The following SMAGP variants were observed in gnomAD, a reference collection of about 807,000 sequenced individuals.
SMAGP encodes the protein small cell transmembrane and glycosylated protein.
In SMAGP, 7 loss-of-function variants were observed where a neutral mutation model predicts 10.1. The observed-to-expected ratio is 0.70, with a 90% CI of 0.40 to 1.31. The LOEUF (loss-of-function observed/expected upper bound fraction) is 1.31. Ranked by LOEUF, SMAGP falls within the 50% of genes most tolerant of loss-of-function variation. SMAGP has a pLI of 0.01. For synonymous variants in SMAGP, 49 were observed against 47.2 expected (o/e 1.04, Z -0.16); for missense variants, 113 against 116.5 (o/e 0.97, Z 0.14).
At chr12:51,247,717 C>A (rs1209183985) in intron 2 of SMAGP, among the ~76,000 whole-genome samples, 1 of 152,164 alleles carries the variant, frequency 6.6e-6, no homozygotes. Flanking sequence ...ACAGGAGGCA[C>A]CCCGACCTGA....
intron 2 of SMAGP, among the ~76,000 whole-genome samples, chr12:51,252,154 C>T (rs552221834): frequency 4.4e-4 from 66 of 151,128 alleles, no homozygotes; most frequent in African/African-American, 1.5e-3. Flanking sequence ...AGTGCAGTGG[C>T]GCGATGTTGG....
rs56012746 is a variant in SMAGP, at chr12:51,248,434, ACTCTCTCTCTCTCTCTCTCTCTCTCTCT to A, written c.35-1631_35-1604del. On this transcript the variant is annotated intron_variant, in intron 2 of 3. Coordinates refer to ENST00000603798, the MANE Select transcript of SMAGP (RefSeq NM_001031628.2). The stretch of plus-strand genomic sequence containing the variant: ...CACACACACACACACACACACACAC[ACTCTCTCTCTCTCTCTCTCTCTCTCTCT>A]CTCTCTCTCTCTCTAGGTTTTCATC... Among the ~76,000 whole-genome samples the A allele has an allele frequency of 7.7e-5, 6 of 77,564 alleles. No homozygotes were observed. In the East Asian group the frequency reaches 2.1e-3, roughly 27 times the overall value. The allele number at this position is 77,564 out of a possible 152,430, so 50.9% of individuals were successfully genotyped here.
rs1009122776 is a variant in SMAGP, at chr12:51,244,600, A to C, written c.*1341T>G. 6.6e-6 allele frequency: 1 copy of C among 152,236 alleles called. No homozygotes were observed. Among genetic ancestry groups the C allele is most frequent in the African/African-American group, 2.4e-5 (1 of 41,454 alleles). The allele number at this position is 152,236 out of a possible 1,614,324, so 9.4% of individuals were successfully genotyped here. Reference sequence around the variant, plus strand: ...ATCTAGCTTTAATTCCAAAGTGAACAATATCTGATGAGCTAATAATTTATA... The same window carrying C: ...ATCTAGCTTTAATTCCAAAGTGAACCATATCTGATGAGCTAATAATTTATA... On this transcript the variant is annotated 3_prime_UTR_variant, in exon 4 of 4. Transcript: ENST00000603798.
Position 51,245,899 on chromosome 12 carries a change from A to G in SMAGP, c.*42T>C, listed in dbSNP as rs1944761743. ...TCCCATAATAAGCAGTCAACGTGTT[A>G]GCGATGGAGCCAGGAATAAGCTCCT... On this transcript the variant is annotated 3_prime_UTR_variant, in exon 4 of 4. Transcript: ENST00000603798. The G allele has an allele frequency of 6.3e-7, 1 of 1,584,478 alleles. No individual in the cohort carries two copies. Among genetic ancestry groups the G allele is most frequent in the Non-Finnish European group, 8.6e-7 (1 of 1,161,542 alleles).
intron 2 of SMAGP, among the ~76,000 whole-genome samples, chr12:51,265,108 T>C (rs1944963518): frequency 2.0e-5 from 3 of 152,018 alleles, no homozygotes; most frequent in African/African-American, 7.2e-5. Context: ...GGTCAATAAG[T>C]ACATGAAAAG....
chr12:51,256,749 ACAC>A (rs1456607612), intron 2 of SMAGP, among the ~76,000 whole-genome samples: 3 of 144,480 alleles, frequency 2.1e-5, no homozygotes, highest in African/African-American at 7.7e-5. Flanking sequence ...AACAAAAAAA[ACAC>A]AAACAAACAA....
intron 2 of SMAGP, among the ~76,000 whole-genome samples, chr12:51,255,943 G>T (rs895457683): frequency 1.3e-5 from 2 of 152,056 alleles, no homozygotes; most frequent in African/African-American, 2.4e-5. Flanking sequence ...GGCTAATTTT[G>T]TATTTTTAGT....
chr12:51,256,089 G>A (rs1425776201), intron 2 of SMAGP, among the ~76,000 whole-genome samples: 1 of 151,968 alleles, frequency 6.6e-6, no homozygotes, highest in Non-Finnish European at 1.5e-5. Context: ...TAATTTCCAC[G>A]ACAGCATTGA....
At chr12:51,247,624 T>C (rs1434226780) in intron 2 of SMAGP, among the ~76,000 whole-genome samples, 1 of 152,142 alleles carries the variant, frequency 6.6e-6, no homozygotes, top group Non-Finnish European at 1.5e-5. Context: ...CTTCCATTCT[T>C]TCCTATTAGC....
At chr12:51,253,325 C>T (rs1167544817) in intron 2 of SMAGP, among the ~76,000 whole-genome samples, 1 of 152,106 alleles carries the variant, frequency 6.6e-6, no homozygotes, top group Non-Finnish European at 1.5e-5. Flanking sequence ...CAGTGAACAA[C>T]ACAGGCAAAA....
rs563847832 is a variant in SMAGP at position 51,246,297 on chromosome 12, A to G, written c.116-178T>C. ...AACCCCAATTTCCATGGCACATAAT[A>G]GCTGGAGTCTCCTGGTGCTTAAGCT... is the stretch of plus-strand genomic sequence containing the variant. On this transcript the variant is annotated intron_variant, in intron 3 of 3. Transcript: ENST00000603798. The G allele has an allele frequency of 4.6e-5, 39 of 850,434 alleles. No homozygotes were observed. In the African/African-American group the frequency reaches 6.5e-4, roughly 14 times the overall value. 52.7% of individuals were successfully genotyped at this position (850,434 alleles called of 1,614,324 possible).
In SMAGP at chr12:51,261,971, C is replaced by T. The variant is rs748858733; in HGVS notation, c.34+7274G>A. ...AAAGTAAATTGGCAGAGTGCAGTGG[C>T]TTACACCCATAATCCCAGCACTTTT... On this transcript the variant is annotated intron_variant, in intron 2 of 3. Transcript: ENST00000603798. Among the ~76,000 whole-genome samples, 113 of 150,986 alleles carry T rather than the reference C, an allele frequency of 7.5e-4. 1 individual carries two copies. The highest frequency in any genetic ancestry group is 3.7e-4 in the Non-Finnish European group (25 of 67,876).
At chr12:51,264,881 G>A (rs1325919768) in intron 2 of SMAGP, among the ~76,000 whole-genome samples, 3 of 145,692 alleles carry the variant, frequency 2.1e-5, no homozygotes, top group South Asian at 4.4e-4. Flanking sequence ...GCAGTGAGCC[G>A]AGATGGTGCC....
chr12:51,257,889 C>T (rs1475364937), intron 2 of SMAGP, among the ~76,000 whole-genome samples: 1 of 152,056 alleles, frequency 6.6e-6, no homozygotes, highest in Non-Finnish European at 1.5e-5. Flanking sequence ...GTGGTTTGCA[C>T]CTATAATCCC....
At position 51,269,221 on chromosome 12, in the gene SMAGP, G is replaced by A. The variant is rs760673453; in HGVS notation, c.34+24C>T. On this transcript the variant is annotated intron_variant, in intron 2 of 3. Transcript: ENST00000603798. ...GATGTTGAACAATTCTTTCTCACTG[G>A]GATTAGGAAAGGCCTTCACCTACCT... is the stretch of plus-strand genomic sequence containing the variant. 1.9e-6 allele frequency: 3 copies of A among 1,613,424 alleles called. No homozygotes were observed. The Admixed American group carries it at 5.0e-5, about 27-fold the overall frequency.
intron 3 of SMAGP, 34 bp from the exon 4 acceptor site, chr12:51,246,153 C>G (rs1944767607): frequency 1.2e-6 from 2 of 1,609,962 alleles, no homozygotes; most frequent in Admixed American, 3.3e-5. Context: ...AGAGATGTTT[C>G]AGGATTGAGG....
At chr12:51,257,419 T>C (rs1944895356) in intron 2 of SMAGP, among the ~76,000 whole-genome samples, 1 of 152,142 alleles carries the variant, frequency 6.6e-6, no homozygotes, top group Non-Finnish European at 1.5e-5. Flanking sequence ...CTCAAGAAAA[T>C]AGGATCTTAA....
rs570337348 is a variant in SMAGP at position 51,266,552 on chromosome 12, TAA to T, written c.34+2691_34+2692del. On this transcript the variant is annotated intron_variant, in intron 2 of 3. Transcript: ENST00000603798. ...TTAAGTGAGAGAGACCATTTTCACA[TAA>T]CTCTTATTACAGTATATTGTTATAG... Among the ~76,000 whole-genome samples the T allele has an allele frequency of 2.2e-3, 328 of 152,272 alleles. 1 individual carries two copies. Among genetic ancestry groups the T allele is most frequent in the African/African-American group, 7.7e-3 (321 of 41,562 alleles).
chr12:51,262,055 T>G (rs1439577929), intron 2 of SMAGP, among the ~76,000 whole-genome samples: 4 of 150,670 alleles, frequency 2.7e-5, no homozygotes, highest in Non-Finnish European at 5.9e-5. Context: ...CTGGGCAACA[T>G]AGCGAGACCC....
Sources: allele counts gnomAD v4.1 joint callset (sites outside exome capture counted in the v4.1 genomes callset), GRCh38; gene constraint gnomAD v4.1.1; transcripts MANE v1.5; gene names NCBI Gene and HGNC (gene_info 2026-07-23, HGNC 2026-07-21).